Variants in LRBA observed in about 807,000 individuals in gnomAD.
LRBA encodes lipopolysaccharide-responsive and beige-like anchor protein.
LRBA carries 176 observed loss-of-function variants against 330.0 expected under a neutral mutation model. The observed-to-expected ratio is 0.53, with a 90% CI of 0.47 to 0.60. The LOEUF (loss-of-function observed/expected upper bound fraction) is 0.60, where lower values mean the gene tolerates loss of function less well. Among genes scored for constraint, LRBA ranks in the 20% least tolerant of loss-of-function variants. LRBA has a pLI of 0.00. For synonymous variants in LRBA, 1,230 were observed against 1,193.0 expected, an observed-to-expected ratio of 1.03 and a Z score of -0.64; for missense variants, 3,259 against 3,444.8, an observed-to-expected ratio of 0.95 and a Z score of 1.35.
chr4:150,983,223 G>T (rs570331442), intron 2 of LRBA, among the ~76,000 whole-genome samples: 1 of 152,250 alleles, frequency 6.6e-6, no homozygotes, highest in South Asian at 2.1e-4. Context: ...TTGGGAGGCT[G>T]AGGCAAGCGG....
chr4:150,908,056 CA>C (rs1255824469), intron 11 of LRBA, among the ~76,000 whole-genome samples: 5 of 151,822 alleles, frequency 3.3e-5, no homozygotes, highest in Non-Finnish European at 7.4e-5. Flanking sequence ...TTAATTTAGA[CA>C]AAAAAATGTA....
chr4:150,818,530 GTC>G lies in LRBA; in HGVS notation c.5172-1275_5172-1274del, dbSNP rs1164201543. 3.7e-3 allele frequency among the ~76,000 whole-genome samples: 459 copies of G among 123,646 alleles called. 1 individual carries two copies. Among genetic ancestry groups the G allele is most frequent in the African/African-American group, 0.017 (439 of 26,484 alleles). The allele number at this position is 123,646 out of a possible 152,430, so 81.1% of individuals were successfully genotyped here. Reference sequence around the variant, plus strand: ...TTAAGGGGGAGTAGATATGACGAATGTCTGTGTGTGTGTGTGTGTGTGTGTGT... The same window carrying G: ...TTAAGGGGGAGTAGATATGACGAATGTGTGTGTGTGTGTGTGTGTGTGTGT... On this transcript the variant is annotated intron_variant, in intron 30 of 56. Coordinates refer to ENST00000651943, the MANE Select transcript of LRBA (RefSeq NM_001364905.1).
rs189343952 is a variant in LRBA at position 150,624,563 on chromosome 4, C to A, written c.5922-25432G>T. Among the ~76,000 whole-genome samples the A allele has an allele frequency of 9.4e-4, 143 of 152,126 alleles. 3 individuals are homozygous for A. The highest frequency in any genetic ancestry group is 3.4e-3 in the African/African-American group (141 of 41,524). Reference sequence around the variant, plus strand: ...TATCCAAAGAGAAGAAAAATTTCTACCATAATCTTGAACAACAAATGTGTT... The same window carrying A: ...TATCCAAAGAGAAGAAAAATTTCTAACATAATCTTGAACAACAAATGTGTT... On this transcript the variant is annotated intron_variant, in intron 37 of 56. Transcript: ENST00000651943.
At chr4:150,742,264 G>C (rs112637530) in intron 35 of LRBA, among the ~76,000 whole-genome samples, 60 of 151,238 alleles carry the variant, frequency 4.0e-4, no homozygotes, top group African/African-American at 1.4e-3. Context: ...GCCTACCTCA[G>C]CCTGCTGAGT....
chr4:150,295,194 C>CTTTT lies in LRBA; in HGVS notation c.8017+7427_8017+7430dup, dbSNP rs146893381. Among the ~76,000 whole-genome samples the CTTTT allele has an allele frequency of 1.4e-3, 155 of 113,818 alleles. 1 individual carries two copies. The highest frequency in any genetic ancestry group is 5.2e-3 in the African/African-American group (148 of 28,562). 74.7% of individuals were successfully genotyped at this position (113,818 alleles called of 152,430 possible). On this transcript the variant is annotated intron_variant, in intron 53 of 56. Coordinates refer to ENST00000651943, the MANE Select transcript of LRBA (RefSeq NM_001364905.1). ...TGGTGCATTCCCCAAATTAAAATAG[C>CTTTT]TTTTTTTTTTTTTTTTTTTTTTTTT...
rs189287906 is a variant in LRBA at position 150,564,559 on chromosome 4, T to C, written c.6330+23489A>G. 2.5e-3 allele frequency among the ~76,000 whole-genome samples: 377 copies of C among 152,088 alleles called. 1 individual carries two copies. The highest frequency in any genetic ancestry group is 8.7e-3 in the African/African-American group (361 of 41,472). On this transcript the variant is annotated intron_variant, in intron 40 of 56. Coordinates refer to ENST00000651943, the MANE Select transcript of LRBA (RefSeq NM_001364905.1). ...ATGGGATCTAATTAAACTAAAGAGC[T>C]TCTGCACAGCAAAAGAAACTACCAT...
intron 40 of LRBA, among the ~76,000 whole-genome samples, chr4:150,497,030 T>TA (rs1759669044): frequency 6.6e-6 from 1 of 152,114 alleles, no homozygotes; most frequent in African/African-American, 2.4e-5. Flanking sequence ...ACCTTTAAAA[T>TA]AAAGACATTG....
intron 47 of LRBA, among the ~76,000 whole-genome samples, chr4:150,366,885 C>G (rs1581126427): frequency 6.6e-6 from 1 of 152,160 alleles, no homozygotes; most frequent in Admixed American, 6.5e-5. Flanking sequence ...TCAACTCTTT[C>G]AAGTAGGTAT....
At chr4:150,820,403 CA>C (rs1050582831) in intron 30 of LRBA, among the ~76,000 whole-genome samples, 1 of 151,888 alleles carries the variant, frequency 6.6e-6, no homozygotes, top group African/African-American at 2.4e-5. Context: ...TTTATCACCA[CA>C]ATCATATTAA....
At chr4:150,548,443 C>T (rs1766119848) in intron 40 of LRBA, among the ~76,000 whole-genome samples, 1 of 152,038 alleles carries the variant, frequency 6.6e-6, no homozygotes, top group Non-Finnish European at 1.5e-5. Flanking sequence ...AATGTATCTA[C>T]CAACTCTAAA....
intron 44 of LRBA, among the ~76,000 whole-genome samples, chr4:150,437,442 C>T (rs1322403148): frequency 7.3e-5 from 11 of 149,888 alleles, no homozygotes; most frequent in Non-Finnish European, 3.0e-5. Flanking sequence ...TAGATATATA[C>T]ATATATATGT....
In LRBA at chr4:150,331,912, G is replaced by A. The variant is rs557626555; in HGVS notation, c.7363-6014C>T. ...TCACATATTAGCTCAGTGATTCTGG[G>A]CAAGGTACTTAACCTTCTGTGCCTT... On this transcript the variant is annotated intron_variant, in intron 48 of 56. Coordinates refer to ENST00000651943, the MANE Select transcript of LRBA (RefSeq NM_001364905.1). Among the ~76,000 whole-genome samples, 5 of 152,192 alleles carry A rather than the reference G, an allele frequency of 3.3e-5. No homozygotes were observed. In the East Asian group the frequency reaches 9.7e-4, roughly 29 times the overall value.
chr4:150,990,177 G>A (rs1741913916), intron 2 of LRBA, among the ~76,000 whole-genome samples: 1 of 152,138 alleles, frequency 6.6e-6, no homozygotes, highest in African/African-American at 2.4e-5. Context: ...CAGCCATGAT[G>A]TTAACCAGTT....
chr4:150,639,041 A>G (rs1415798688), intron 37 of LRBA, among the ~76,000 whole-genome samples: 8 of 123,064 alleles, frequency 6.5e-5, no homozygotes, highest in East Asian at 2.2e-4. Flanking sequence ...TGATGAGTTC[A>G]TGTCCTTTGT....
At chr4:150,403,040 G>C (rs1218424595) in intron 47 of LRBA, among the ~76,000 whole-genome samples, 2 of 152,168 alleles carry the variant, frequency 1.3e-5, no homozygotes, top group African/African-American at 2.4e-5. Context: ...AAATCAAACA[G>C]ACATAAATAC....
intron 2 of LRBA, among the ~76,000 whole-genome samples, chr4:151,007,786 G>C (rs950811286): frequency 6.0e-5 from 9 of 150,192 alleles, no homozygotes; most frequent in African/African-American, 2.2e-4. Flanking sequence ...GAACCAAAGA[G>C]GCGGAGCTTG....
chr4:150,267,537 A>C (rs767069701), intron 56 of LRBA, among the ~76,000 whole-genome samples: 18 of 152,224 alleles, frequency 1.2e-4, no homozygotes, highest in Non-Finnish European at 2.4e-4. Flanking sequence ...GCTAAAATGG[A>C]AATTTTTAGC....
intron 37 of LRBA, among the ~76,000 whole-genome samples, chr4:150,639,841 A>ATGTG (rs1362305053): frequency 2.7e-4 from 11 of 40,610 alleles, no homozygotes; most frequent in African/African-American, 8.0e-4. Context: ...ATATATATAT[A>ATGTG]TATATATATA....
chr4:150,461,700 C>T (rs867951487), intron 44 of LRBA, among the ~76,000 whole-genome samples: 6 of 151,924 alleles, frequency 3.9e-5, no homozygotes, highest in Admixed American at 2.0e-4. Flanking sequence ...TTGTGAATTT[C>T]ATAGCCAAGA....
Sources: allele counts gnomAD v4.1 joint callset (sites outside exome capture counted in the v4.1 genomes callset), GRCh38; gene constraint gnomAD v4.1.1; transcripts MANE v1.5; gene names NCBI Gene and HGNC (gene_info 2026-07-23, HGNC 2026-07-21).